Variants in POU6F2 observed in about 807,000 individuals in gnomAD.
POU6F2 encodes the protein POU domain, class 6, transcription factor 2.
A neutral mutation model predicts 71.3 loss-of-function variants in POU6F2; 31 were observed. The observed-to-expected ratio is 0.43, with a 90% CI of 0.33 to 0.59. The LOEUF is 0.59. Ranked by LOEUF, POU6F2 falls within the 20% of genes least tolerant of loss-of-function variation. The pLI is 0.04. For synonymous variants in POU6F2, 347 were observed against 355.7 expected (o/e 0.98, Z 0.27); for missense variants, 783 against 856.8 (o/e 0.91, Z 1.07).
chr7:39,364,260 CTT>C (rs112590056), intron 5 of POU6F2, among the ~76,000 whole-genome samples: 436 of 143,878 alleles, frequency 3.0e-3, no homozygotes, highest in African/African-American at 9.5e-3. Flanking sequence ...TCTCTATTCT[CTT>C]TTTTTTTTTT....
chr7:39,420,698 G>T (rs1250350207), intron 6 of POU6F2, among the ~76,000 whole-genome samples: 1 of 152,098 alleles, frequency 6.6e-6, no homozygotes, highest in Non-Finnish European at 1.5e-5. Flanking sequence ...ACATGTCAAT[G>T]GATCTTTGAT....
At chr7:39,129,685 A>C (rs1235276892) in intron 2 of POU6F2, among the ~76,000 whole-genome samples, 1 of 151,994 alleles carries the variant, frequency 6.6e-6, no homozygotes, top group East Asian at 1.9e-4. Context: ...GGCTCCATAC[A>C]CATCATTTTT....
intron 7 of POU6F2, among the ~76,000 whole-genome samples, chr7:39,444,112 C>G (rs547197893): frequency 1.3e-5 from 2 of 152,284 alleles, no homozygotes; most frequent in South Asian, 4.1e-4. Context: ...AATGTAGTAT[C>G]CAACACACTG....
intron 2 of POU6F2, among the ~76,000 whole-genome samples, chr7:39,117,255 G>A (rs978713916): frequency 6.6e-6 from 1 of 152,166 alleles, no homozygotes; most frequent in African/African-American, 2.4e-5. Flanking sequence ...CAAGGGAAGA[G>A]TAAACAACCA....
At chr7:39,400,735 G>T (rs2115871502) in intron 5 of POU6F2, among the ~76,000 whole-genome samples, 1 of 152,198 alleles carries the variant, frequency 6.6e-6, no homozygotes, top group East Asian at 1.9e-4. Context: ...CTGTATATTG[G>T]AACACTCACA....
intron 4 of POU6F2, among the ~76,000 whole-genome samples, chr7:39,213,934 G>A (rs1483099734): frequency 1.3e-5 from 2 of 152,132 alleles, no homozygotes; most frequent in South Asian, 2.1e-4. Flanking sequence ...ATCTGATGAG[G>A]AAGTTGAGGA....
At chr7:39,387,830 C>A (rs1786979700) in intron 5 of POU6F2, among the ~76,000 whole-genome samples, 1 of 152,196 alleles carries the variant, frequency 6.6e-6, no homozygotes, top group East Asian at 1.9e-4. Context: ...CAGAATGAAT[C>A]TAAGATCCAG....
At chr7:39,422,249 A>G (rs988072671) in intron 6 of POU6F2, among the ~76,000 whole-genome samples, 2 of 152,240 alleles carry the variant, frequency 1.3e-5, no homozygotes, top group Admixed American at 1.3e-4. Context: ...ATCAAAACGT[A>G]AAACCACTAA....
intron 1 of POU6F2, among the ~76,000 whole-genome samples, chr7:39,063,661 A>T (rs1584523909): frequency 6.6e-6 from 1 of 152,186 alleles, no homozygotes; most frequent in East Asian, 1.9e-4. Flanking sequence ...CAAGATTGAG[A>T]GGGTTCTCTC....
At chr7:39,147,598 C>T (rs1002585544) in intron 2 of POU6F2, among the ~76,000 whole-genome samples, 2 of 152,098 alleles carry the variant, frequency 1.3e-5, no homozygotes, top group African/African-American at 2.4e-5. Flanking sequence ...AATCTCTTTC[C>T]CTTTTTTGTC....
chr7:39,040,135 T>A (rs113681499), intron 1 of POU6F2, among the ~76,000 whole-genome samples: 17,894 of 39,132 alleles, frequency 0.46, 3,501 homozygotes, highest in Middle Eastern at 0.58. Context: ...TATATATATA[T>A]AAATCCCAGA....
intron 2 of POU6F2, among the ~76,000 whole-genome samples, chr7:39,162,812 C>A (rs377457396): frequency 7.7e-4 from 118 of 152,264 alleles, no homozygotes; most frequent in African/African-American, 2.7e-3. Flanking sequence ...TAAAACATTT[C>A]TTCTACTACC....
chr7:39,302,960 G>C (rs911098795), intron 4 of POU6F2, among the ~76,000 whole-genome samples: 1 of 152,212 alleles, frequency 6.6e-6, no homozygotes, highest in African/African-American at 2.4e-5. Context: ...GTCCTACCCA[G>C]AGTATATCAG....
chr7:39,102,128 G>A (rs12674262), intron 2 of POU6F2, among the ~76,000 whole-genome samples: 54 of 152,128 alleles, frequency 3.5e-4, no homozygotes, highest in African/African-American at 1.2e-3. Flanking sequence ...TTTCAATTAG[G>A]TGAAAGGGCC....
chr7:39,451,213 G>A (rs1230045397), intron 7 of POU6F2, among the ~76,000 whole-genome samples: 1 of 152,148 alleles, frequency 6.6e-6, no homozygotes, highest in Non-Finnish European at 1.5e-5. Flanking sequence ...CAAGTGTGCT[G>A]TAACTGTATG....
chr7:38,978,724 C>T (rs542359280), intron 1 of POU6F2, among the ~76,000 whole-genome samples: 1 of 152,254 alleles, frequency 6.6e-6, no homozygotes, highest in South Asian at 2.1e-4. Flanking sequence ...CATTTAGTGC[C>T]TCCTCCTTGT....
chr7:39,252,291 G>A (rs191851829), intron 4 of POU6F2, among the ~76,000 whole-genome samples: 13 of 151,698 alleles, frequency 8.6e-5, no homozygotes, highest in South Asian at 6.3e-4. Context: ...AGAGGACCCC[G>A]AAGATGTTGG....
chr7:38,998,672 A>G (rs1788809263), intron 1 of POU6F2, among the ~76,000 whole-genome samples: 1 of 149,074 alleles, frequency 6.7e-6, no homozygotes, highest in Non-Finnish European at 1.5e-5. Flanking sequence ...TTTTTTTGAG[A>G]CAGTATCTTG....
At chr7:39,261,749 C>T (rs542375413) in intron 4 of POU6F2, among the ~76,000 whole-genome samples, 1 of 152,202 alleles carries the variant, frequency 6.6e-6, no homozygotes, top group Non-Finnish European at 1.5e-5. Context: ...CTCCGTAGTT[C>T]TGTGATTTGT....
Sources: allele counts gnomAD v4.1 joint callset (sites outside exome capture counted in the v4.1 genomes callset), GRCh38; gene constraint gnomAD v4.1.1; transcripts MANE v1.5; gene names NCBI Gene and HGNC (gene_info 2026-07-23, HGNC 2026-07-21).